Variants in LARP1B observed in about 807,000 individuals in gnomAD.
LARP1B encodes la-related protein 1B.
Under a neutral mutation model 114.2 loss-of-function variants are expected in LARP1B, and 76 were observed. The ratio of observed to expected loss-of-function variants is 0.67; its 90% confidence interval spans 0.55 to 0.81. The LOEUF (loss-of-function observed/expected upper bound fraction) is 0.81. LARP1B is among the 30% of genes least tolerant of loss of function. The pLI is 0.00. For missense variants in LARP1B, 1,014 were observed against 1,075.8 expected (o/e 0.94, Z 0.80); for synonymous variants, 345 against 348.0 (o/e 0.99, Z 0.10).
chr4:128,111,433 C>G (rs1784079240), intron 9 of LARP1B, among the ~76,000 whole-genome samples: 2 of 151,986 alleles, frequency 1.3e-5, no homozygotes, highest in Non-Finnish European at 2.9e-5. Context: ...GGTGCAGTAG[C>G]TCATGCCTAT....
In LARP1B at chr4:128,211,784, C is replaced by A; in HGVS notation, c.*1731C>A. 1 of 871,662 alleles carries A rather than the reference C, an allele frequency of 1.1e-6. No homozygotes were observed. Among genetic ancestry groups the A allele is most frequent in the Non-Finnish European group, 1.4e-6 (1 of 726,348 alleles). 54.0% of individuals were successfully genotyped at this position (871,662 alleles called of 1,614,324 possible). On this transcript the variant is annotated 3_prime_UTR_variant, in exon 20 of 20. Transcript: ENST00000326639. ...GAAACCTGTATTTAACCAGATATTT[C>A]TACTCAACTGAATATACAAGTGTAA...
intron 11 of LARP1B, among the ~76,000 whole-genome samples, chr4:128,136,934 A>G (rs560756349): frequency 2.6e-5 from 4 of 152,250 alleles, no homozygotes; most frequent in African/African-American, 9.6e-5. Context: ...ATATAAGTGA[A>G]CGTAATAAAT....
chr4:128,200,373 G>T, intron 16 of LARP1B, 148 bp from the exon 17 acceptor site: 3 of 509,640 alleles, frequency 5.9e-6, no homozygotes, highest in Non-Finnish European at 1.0e-5. Context: ...TGGCCTGGAG[G>T]TTGGAGATCC....
At chr4:128,193,367 T>C (rs1752906045) in intron 15 of LARP1B, among the ~76,000 whole-genome samples, 1 of 152,142 alleles carries the variant, frequency 6.6e-6, no homozygotes, top group Non-Finnish European at 1.5e-5. Context: ...CTGTTATTAA[T>C]ACACCCACAC....
chr4:128,183,083 G>T (rs1415966547), intron 15 of LARP1B, among the ~76,000 whole-genome samples: 1 of 152,172 alleles, frequency 6.6e-6, no homozygotes, highest in Non-Finnish European at 1.5e-5. Flanking sequence ...AGGAGCAAGT[G>T]CTGATGGGGA....
intron 8 of LARP1B, among the ~76,000 whole-genome samples, chr4:128,098,954 T>G (rs1779282645): frequency 6.7e-6 from 1 of 150,320 alleles, no homozygotes; most frequent in African/African-American, 2.4e-5. Flanking sequence ...ATTTTTGTAT[T>G]TTTATTAGAG....
chr4:128,073,208 G>A (rs1414006283), intron 1 of LARP1B, among the ~76,000 whole-genome samples: 1 of 151,930 alleles, frequency 6.6e-6, no homozygotes, highest in African/African-American at 2.4e-5. Flanking sequence ...GAGGTCAGGA[G>A]TTTGAGACCA....
At chr4:128,153,063 A>G (rs538367337) in intron 11 of LARP1B, among the ~76,000 whole-genome samples, 2 of 139,002 alleles carry the variant, frequency 1.4e-5, no homozygotes, top group South Asian at 2.2e-4. Flanking sequence ...GCTCACTGCA[A>G]CCTCCACCTC....
Position 128,176,893 on chromosome 4 carries a change from A to C in LARP1B, c.1670A>C (p.His557Pro), listed in dbSNP as rs527822685. 6.2e-7 allele frequency: 1 copy of C among 1,614,026 alleles called. No homozygotes were observed. Among genetic ancestry groups the C allele is most frequent in the Non-Finnish European group, 8.5e-7 (1 of 1,179,864 alleles). Residue 557 changes from histidine (H) to proline (P), a missense_variant, in exon 13 of 20, where the codon CAC becomes CCC. Transcript: ENST00000326639. ...GCAGGAGGTGTTCAAGGAGTGCTTC[A>C]CATTCCCAAGAAAGGTAACATCTGT... ...SRQGGVQGVL[H>P]IPKKDLTDEL...
Position 128,109,699 on chromosome 4 carries a change from TTTTC to T in LARP1B, c.988+2394_988+2397del, listed in dbSNP as rs1489096471. On this transcript the variant is annotated intron_variant, in intron 9 of 19. Transcript: ENST00000326639. ...TCACAAGGGCACTGTAATGTAGTGT[TTTTC>T]TTTCTTTTCTTTTTTTTTTCCCCTT... Among the ~76,000 whole-genome samples the T allele has an allele frequency of 9.9e-5, 15 of 152,118 alleles. No individual in the cohort carries two copies. In the East Asian group the frequency reaches 2.9e-3, roughly 29 times the overall value.
At chr4:128,181,523 T>C (rs1181078312) in intron 15 of LARP1B, among the ~76,000 whole-genome samples, 2 of 152,128 alleles carry the variant, frequency 1.3e-5, no homozygotes, top group East Asian at 3.9e-4. Context: ...TCTGCTTTCT[T>C]TTGGATTGAG....
At chr4:128,108,828 A>ATATC (rs1163740831) in intron 9 of LARP1B, 1 of 983,830 alleles carries the variant, frequency 1.0e-6, no homozygotes, top group Non-Finnish European at 1.2e-6. Context: ...GGTAGGTAAG[A>ATATC]TAGGTCAGTC....
chr4:128,072,881 A>G (rs958277618), intron 1 of LARP1B, among the ~76,000 whole-genome samples: 1 of 152,124 alleles, frequency 6.6e-6, no homozygotes, highest in Admixed American at 6.6e-5. Context: ...TTATATTTAA[A>G]ACCTGGTGGA....
intron 15 of LARP1B, among the ~76,000 whole-genome samples, chr4:128,191,564 TTAC>T (rs1354125808): frequency 6.6e-6 from 1 of 152,078 alleles, no homozygotes; most frequent in African/African-American, 2.4e-5. Context: ...GCAAAGGGGA[TTAC>T]CCCAACTGTG....
intron 4 of LARP1B, 84 bp from the exon 5 acceptor site, chr4:128,082,081 T>A: frequency 8.1e-7 from 1 of 1,230,188 alleles, no homozygotes; most frequent in African/African-American, 1.5e-5. Flanking sequence ...TTCACTTATT[T>A]GATTAAAGTT....
At chr4:128,176,448 C>T (rs1474383914) in intron 12 of LARP1B, among the ~76,000 whole-genome samples, 1 of 151,356 alleles carries the variant, frequency 6.6e-6, no homozygotes, top group Non-Finnish European at 1.5e-5. Flanking sequence ...CGCCTGCTAC[C>T]ACGCCTGGCT....
rs373986045 is a variant in LARP1B, at chr4:128,203,318, TCTCC to T, written c.2309+2677_2309+2680del. On this transcript the variant is annotated intron_variant, in intron 17 of 19. Transcript: ENST00000326639. ...TAAGTGCTTGACAAATGATTCCCTC[TCTCC>T]CTCCCTCCCTCCCTCCCTCCCTCTT... 5.4e-3 allele frequency among the ~76,000 whole-genome samples: 794 copies of T among 146,788 alleles called. 8 individuals are homozygous for T. The highest frequency in any genetic ancestry group is 0.015 in the African/African-American group (616 of 40,102).
chr4:128,127,848 A>G (rs1790155631), intron 11 of LARP1B, among the ~76,000 whole-genome samples: 2 of 152,252 alleles, frequency 1.3e-5, no homozygotes, highest in African/African-American at 4.8e-5. Flanking sequence ...AACAAAAAAC[A>G]AAATTGAAGG....
At chr4:128,061,533 C>G in intron 1 of LARP1B, 132 bp downstream of exon 1, 3 of 298,032 alleles carry the variant, frequency 1.0e-5, no homozygotes, top group Non-Finnish European at 1.5e-5. Flanking sequence ...ACGCCGGGCG[C>G]TGCGCGGCCT....
Sources: gnomAD v4.1 joint callset for allele counts (sites outside exome capture counted in the v4.1 genomes callset) on GRCh38, gnomAD v4.1.1 for gene constraint, MANE v1.5 for transcripts, NCBI Gene and HGNC (gene_info 2026-07-23, HGNC 2026-07-21) for gene names.